Variants in BRWD3 observed in about 807,000 individuals in gnomAD.
BRWD3 encodes bromodomain and WD repeat domain containing 3, also known as bromodomain and WD repeat-containing protein 3.
BRWD3 carries 10 observed loss-of-function variants against 149.7 expected under a neutral mutation model. The observed-to-expected ratio is 0.07, with a 90% confidence interval of 0.04 to 0.11. BRWD3 has a LOEUF of 0.11. Ranked by LOEUF, BRWD3 falls within the 10% of genes least tolerant of loss-of-function variation. The pLI is 1.00. For missense variants in BRWD3, 940 were observed against 1,373.2 expected, an observed-to-expected ratio of 0.68 and a Z score of 4.99; for synonymous variants, 504 against 456.7, an observed-to-expected ratio of 1.10 and a Z score of -1.32.
Position 80,716,263 on chromosome X carries a change from C to T in BRWD3, c.2232-13G>A, listed in dbSNP as rs781578060. ...TTCTTCCTGTACCCTAATAACAAGTCAAAGGTCAAAGTAACAGAAAATCAA... is the reference window on the plus strand; with the variant it reads ...TTCTTCCTGTACCCTAATAACAAGTTAAAGGTCAAAGTAACAGAAAATCAA... On this transcript the variant is annotated splice_polypyrimidine_tract_variant and intron_variant, in intron 19 of 40. Coordinates refer to ENST00000373275, the MANE Select transcript of BRWD3 (RefSeq NM_153252.5). 8.9e-7 allele frequency: 1 copy of T among 1,124,268 alleles called. No individual in the cohort carries two copies. The highest frequency in any genetic ancestry group is 1.8e-5 in the South Asian group (1 of 54,808). 92.7% of individuals were successfully genotyped at this position (1,124,268 alleles called of 1,213,427 possible).
intron 6 of BRWD3, among the ~76,000 whole-genome samples, chrX:80,786,471 A>C (rs957802918): frequency 8.2e-5 from 9 of 110,143 alleles, no homozygotes; most frequent in Admixed American, 2.9e-4. Flanking sequence ...TCACCCTATG[A>C]TCAGGTACAA....
At chrX:80,802,401 C>A (rs1350431603) in intron 4 of BRWD3, among the ~76,000 whole-genome samples, 9 of 98,000 alleles carry the variant, frequency 9.2e-5, no homozygotes, top group Non-Finnish European at 1.4e-4. Flanking sequence ...AAGATCGCAC[C>A]ACTGCACTCC....
At chrX:80,733,316 G>A in intron 12 of BRWD3, 140 bp downstream of exon 12, 1 of 450,120 alleles carries the variant, frequency 2.2e-6, no homozygotes, top group African/African-American at 2.5e-5. Flanking sequence ...GGCTAAGGAT[G>A]TCATCAAAGA....
At chrX:80,743,630 T>G (rs1200426354) in intron 8 of BRWD3, 1 of 119,921 alleles carries the variant, frequency 8.3e-6, no homozygotes, top group African/African-American at 3.3e-5. Flanking sequence ...CTTGGGAGGG[T>G]GTATGTGTCG....
chrX:80,767,971 A>G (rs747970135), intron 6 of BRWD3, among the ~76,000 whole-genome samples: 2 of 111,860 alleles, frequency 1.8e-5, no homozygotes, highest in African/African-American at 6.5e-5. Context: ...ATTGGAAGGA[A>G]GGGTGGTTAT....
At chrX:80,765,799 T>C (rs973507522) in intron 6 of BRWD3, among the ~76,000 whole-genome samples, 2 of 112,029 alleles carry the variant, frequency 1.8e-5, no homozygotes, top group East Asian at 5.6e-4. Context: ...GACTTTCTTT[T>C]CTCTCCTGGG....
intron 4 of BRWD3, among the ~76,000 whole-genome samples, chrX:80,798,827 C>G: frequency 9.0e-6 from 1 of 111,415 alleles, no homozygotes; most frequent in Non-Finnish European, 1.9e-5. Flanking sequence ...TATAAAACAG[C>G]TCTAAAAGTT....
In BRWD3 at chrX:80,674,961, G is replaced by A. The variant is rs1374063501; in HGVS notation, c.*1648C>T. 9.0e-6 allele frequency: 1 copy of A among 111,545 alleles called. No individual in the cohort carries two copies. Among genetic ancestry groups the A allele is most frequent in the African/African-American group, 3.3e-5 (1 of 30,700 alleles). The allele number at this position is 111,545 out of a possible 1,213,427, so 9.2% of individuals were successfully genotyped here. ...ACACATTAGCTTAAGAAATATCCTG[G>A]GATAGCTAGGTATATACTAAGAAGT... On this transcript the variant is annotated 3_prime_UTR_variant, in exon 41 of 41. Coordinates refer to ENST00000373275, the MANE Select transcript of BRWD3 (RefSeq NM_153252.5).
intron 37 of BRWD3, among the ~76,000 whole-genome samples, chrX:80,682,830 T>C (rs1300295518): frequency 9.0e-6 from 1 of 110,572 alleles, no homozygotes; most frequent in Non-Finnish European, 1.9e-5. Flanking sequence ...TTCTAAAAGG[T>C]AGGGAAAAAA....
intron 34 of BRWD3, among the ~76,000 whole-genome samples, chrX:80,687,324 C>T (rs999966369): frequency 1.1e-4 from 12 of 110,979 alleles, no homozygotes; most frequent in Admixed American, 8.7e-4. Context: ...TAATATTTGC[C>T]GGTAGTTAAG....
intron 16 of BRWD3, among the ~76,000 whole-genome samples, chrX:80,723,503 G>T (rs2073178906): frequency 9.1e-6 from 1 of 110,164 alleles, no homozygotes; most frequent in South Asian, 4.0e-4. Context: ...ATACGCAAAA[G>T]GATTTCCTAA....
chrX:80,752,622 T>G (rs1025116666), intron 6 of BRWD3, among the ~76,000 whole-genome samples: 1 of 111,993 alleles, frequency 8.9e-6, no homozygotes, highest in Non-Finnish European at 1.9e-5. Flanking sequence ...TATTTCATTG[T>G]GGTTTTAATT....
Position 80,728,743 on chromosome X carries a change from A to G in BRWD3, c.1386+9T>C, listed in dbSNP as rs1296482012. 6 of 1,185,191 alleles carry G rather than the reference A, an allele frequency of 5.1e-6. No homozygotes were observed. Among genetic ancestry groups the G allele is most frequent in the Non-Finnish European group, 6.8e-6 (6 of 877,367 alleles). On this transcript the variant is annotated intron_variant, in intron 14 of 40. Coordinates refer to ENST00000373275, the MANE Select transcript of BRWD3 (RefSeq NM_153252.5). ...ACCATTTTAATTACTCTAAAAATAAAATACTTACAGATAATGTATGAAGAA... is the reference window on the plus strand; with the variant it reads ...ACCATTTTAATTACTCTAAAAATAAGATACTTACAGATAATGTATGAAGAA...
intron 6 of BRWD3, 106 bp downstream of exon 6, chrX:80,791,746 GTT>G: frequency 1.7e-6 from 1 of 572,712 alleles, no homozygotes; most frequent in Non-Finnish European, 2.9e-6. Flanking sequence ...AATGTAAACA[GTT>G]TGTTTATGCT....
chrX:80,800,697 TG>T (rs780043025), intron 4 of BRWD3, among the ~76,000 whole-genome samples: 1 of 110,192 alleles, frequency 9.1e-6, no homozygotes, highest in Non-Finnish European at 1.9e-5. Flanking sequence ...CTAAATCAAA[TG>T]CTGTGTTTTA....
intron 40 of BRWD3, among the ~76,000 whole-genome samples, chrX:80,679,014 C>T (rs1209570639): frequency 1.8e-5 from 2 of 111,530 alleles, no homozygotes; most frequent in Non-Finnish European, 3.8e-5. Context: ...GAGGCAAGGC[C>T]ACGTGAGGAC....
At position 80,677,222 on chromosome X, in the gene BRWD3, G is replaced by C. The variant is rs1189500414; in HGVS notation, c.4796C>G (p.Ser1599Cys). Reference sequence around the variant, plus strand: ...TCCACTCTCTGAGGTGGATAAATGAGATTTCTCTTTTGTTTCTTTTTTCTC... The same window carrying C: ...TCCACTCTCTGAGGTGGATAAATGACATTTCTCTTTTGTTTCTTTTTTCTC... ...DKEKKETKEKSHLSTSESGEL... is the reference protein window; with the variant it reads ...DKEKKETKEKCHLSTSESGEL... The change falls in exon 41 of 41, where the codon TCT becomes TGT. Residue 1599 changes from serine (S) to cysteine (C), a missense_variant. Ser to Cys is a moderately radical substitution (Grantham distance 112). Coordinates refer to ENST00000373275, the MANE Select transcript of BRWD3 (RefSeq NM_153252.5). 1 of 1,210,382 alleles carries C rather than the reference G, an allele frequency of 8.3e-7. No individual in the cohort carries two copies. Among genetic ancestry groups the C allele is most frequent in the Non-Finnish European group, 1.1e-6 (1 of 894,868 alleles).
chrX:80,770,154 C>T (rs2073920416), intron 6 of BRWD3, among the ~76,000 whole-genome samples: 1 of 111,347 alleles, frequency 9.0e-6, no homozygotes, highest in African/African-American at 3.3e-5. Context: ...AGATTCACAG[C>T]CAAATTCTAC....
intron 6 of BRWD3, among the ~76,000 whole-genome samples, chrX:80,770,295 C>CA (rs888107620): frequency 7.2e-5 from 8 of 111,095 alleles, no homozygotes; most frequent in Non-Finnish European, 1.3e-4. Context: ...AGAGACACAA[C>CA]AAAAAAAGAG....
Sources: gnomAD v4.1 joint callset for allele counts (sites outside exome capture counted in the v4.1 genomes callset) on GRCh38, gnomAD v4.1.1 for gene constraint, MANE v1.5 for transcripts, NCBI Gene and HGNC (gene_info 2026-07-23, HGNC 2026-07-21) for gene names.